Variants in CALN1 observed in about 807,000 individuals in gnomAD.
The protein encoded by CALN1 is calcium-binding protein 8.
Under a neutral mutation model 30.6 loss-of-function variants are expected in CALN1, and 17 were observed. The observed-to-expected ratio is 0.56, with a 90% CI of 0.38 to 0.83. The LOEUF is 0.83. CALN1 is among the 40% of genes least tolerant of loss of function. The pLI, the probability that CALN1 is intolerant of heterozygous loss-of-function variation, is 0.00. For synonymous variants in CALN1, 156 were observed against 131.4 expected (o/e 1.19, Z -1.28); for missense variants, 291 against 354.9 (o/e 0.82, Z 1.45).
At chr7:72,408,653 G>T in intron 1 of CALN1, among the ~76,000 whole-genome samples, 1 of 142,174 alleles carries the variant, frequency 7.0e-6, no homozygotes, top group African/African-American at 2.6e-5. Flanking sequence ...ACATACAAAT[G>T]ACCACCAATT....
At chr7:72,025,111 G>A (rs1171232173) in intron 4 of CALN1, among the ~76,000 whole-genome samples, 1 of 152,104 alleles carries the variant, frequency 6.6e-6, no homozygotes, top group African/African-American at 2.4e-5. Flanking sequence ...AGGAGTTCTT[G>A]ACCAGCCTGA....
Position 71,784,965 on chromosome 7 carries a change from T to C in CALN1, c.*2810A>G, listed in dbSNP as rs1350171618. The C allele has an allele frequency of 5.0e-6, 2 of 397,888 alleles. No homozygotes were observed. The highest frequency in any genetic ancestry group is 4.1e-5 in the African/African-American group (2 of 48,602). The allele number at this position is 397,888 out of a possible 1,614,324, so 24.6% of individuals were successfully genotyped here. ...GAGTTGGCTGCCTGACAAGGAAGGC[T>C]TCCCTATACCCAAGACAAACTGTCC... is the stretch of plus-strand genomic sequence containing the variant. On this transcript the variant is annotated 3_prime_UTR_variant, in exon 7 of 7. Transcript: ENST00000395275.
At chr7:72,061,048 T>C (rs1368169305) in intron 4 of CALN1, among the ~76,000 whole-genome samples, 2 of 152,184 alleles carry the variant, frequency 1.3e-5, no homozygotes, top group Non-Finnish European at 2.9e-5. Context: ...AGAACAGATC[T>C]GAATAGTGTT....
chr7:72,212,656 A>G (rs74916419), intron 3 of CALN1, among the ~76,000 whole-genome samples: 3 of 151,514 alleles, frequency 2.0e-5, no homozygotes, highest in Non-Finnish European at 4.4e-5. Context: ...CACTACAAAG[A>G]ATAAAAAATG....
chr7:72,241,368 T>C (rs1312174720), intron 3 of CALN1, among the ~76,000 whole-genome samples: 2 of 151,986 alleles, frequency 1.3e-5, no homozygotes, highest in African/African-American at 2.4e-5. Flanking sequence ...AAGTCAAGAA[T>C]GGTACGAGCA....
intron 3 of CALN1, among the ~76,000 whole-genome samples, chr7:72,151,717 G>A (rs1787263467): frequency 6.6e-6 from 1 of 151,788 alleles, no homozygotes; most frequent in South Asian, 2.1e-4. Flanking sequence ...TTTTGTTGTT[G>A]TTGTTGTTGT....
intron 5 of CALN1, among the ~76,000 whole-genome samples, chr7:71,966,492 T>G (rs1284614199): frequency 1.3e-5 from 2 of 152,142 alleles, no homozygotes; most frequent in African/African-American, 4.8e-5. Context: ...TCATGACATC[T>G]GGTCATTTAA....
the CALN1 span, among the ~76,000 whole-genome samples, chr7:72,460,907 C>T: frequency 2.0e-5 from 3 of 152,172 alleles, no homozygotes; most frequent in African/African-American, 7.2e-5. Flanking sequence ...TCTTGAATCA[C>T]CCTGAGTCTG....
At chr7:72,241,861 G>A (rs985499793) in intron 3 of CALN1, among the ~76,000 whole-genome samples, 32 of 152,068 alleles carry the variant, frequency 2.1e-4, no homozygotes, top group Non-Finnish European at 4.0e-4. Context: ...GAAAGTTTAC[G>A]CATTTAAAAT....
intron 4 of CALN1, among the ~76,000 whole-genome samples, chr7:72,082,475 C>T (rs1805213340): frequency 6.6e-6 from 1 of 152,166 alleles, no homozygotes; most frequent in African/African-American, 2.4e-5. Context: ...TGGCTGAGGT[C>T]CCTCCTGCAC....
the CALN1 span, among the ~76,000 whole-genome samples, chr7:72,469,231 G>A: frequency 6.6e-6 from 1 of 151,954 alleles, no homozygotes; most frequent in Non-Finnish European, 1.5e-5. Flanking sequence ...GAGTTTTCTT[G>A]TTTGTTTGTT....
intron 4 of CALN1, among the ~76,000 whole-genome samples, chr7:72,069,527 CT>C (rs1804247966): frequency 6.6e-6 from 1 of 152,110 alleles, no homozygotes; most frequent in African/African-American, 2.4e-5. Context: ...CCTTTGGTTT[CT>C]GGCTACACCA....
chr7:72,048,185 G>T (rs1431873930), intron 4 of CALN1, among the ~76,000 whole-genome samples: 1 of 151,884 alleles, frequency 6.6e-6, no homozygotes, highest in African/African-American at 2.4e-5. Flanking sequence ...GAGTACAGGT[G>T]TATGCCATCG....
At chr7:72,076,533 G>A (rs1429874139) in intron 4 of CALN1, among the ~76,000 whole-genome samples, 1 of 141,828 alleles carries the variant, frequency 7.1e-6, no homozygotes, top group African/African-American at 2.6e-5. Flanking sequence ...GAGAGGCGGA[G>A]GTTACAGTCA....
intron 3 of CALN1, among the ~76,000 whole-genome samples, chr7:72,209,338 CTCTT>C (rs1403757357): frequency 0.025 from 414 of 16,806 alleles, 21 homozygotes; most frequent in Middle Eastern, 0.062. Context: ...CTTTCCTTCC[CTCTT>C]TCCTTCCCTC....
intron 5 of CALN1, among the ~76,000 whole-genome samples, chr7:72,007,698 A>G (rs1308678191): frequency 1.3e-5 from 2 of 152,198 alleles, no homozygotes; most frequent in African/African-American, 2.4e-5. Flanking sequence ...TCACCACAAC[A>G]TCTGCGCTCT....
chr7:71,855,612 C>T (rs1427839030), intron 5 of CALN1, among the ~76,000 whole-genome samples: 2 of 152,126 alleles, frequency 1.3e-5, no homozygotes, highest in East Asian at 3.9e-4. Context: ...TCCGTCTGAC[C>T]CTAGGCAGCA....
At chr7:72,493,144 T>TCTCCCCGGGTCTCCCACCAC in the CALN1 span, among the ~76,000 whole-genome samples, 1 of 151,806 alleles carries the variant, frequency 6.6e-6, no homozygotes, top group East Asian at 1.9e-4. Context: ...TCTCCCGCCA[T>TCTCCCCGGGTCTCCCACCAC]CTCCCCGGGT....
chr7:71,877,175 A>G (rs1792297313), intron 5 of CALN1, among the ~76,000 whole-genome samples: 1 of 152,222 alleles, frequency 6.6e-6, no homozygotes, highest in African/African-American at 2.4e-5. Flanking sequence ...AGCCATTCCT[A>G]ATAAAAATCT....
Sources: gnomAD v4.1 joint callset for allele counts (sites outside exome capture counted in the v4.1 genomes callset) on GRCh38, gnomAD v4.1.1 for gene constraint, MANE v1.5 for transcripts, NCBI Gene and HGNC (gene_info 2026-07-23, HGNC 2026-07-21) for gene names.